The following SLC9B2 variants were observed in gnomAD, a reference collection of about 807,000 sequenced individuals.
SLC9B2 encodes solute carrier family 9 member B2.
A neutral mutation model predicts 52.2 loss-of-function variants in SLC9B2; 39 were observed. That is an observed-to-expected ratio of 0.75 (90% CI 0.58 to 0.98). SLC9B2 has a LOEUF of 0.98. Ranked by LOEUF, SLC9B2 falls within the 50% of genes least tolerant of loss-of-function variation. The pLI is 0.00. For synonymous variants in SLC9B2, 214 were observed against 227.0 expected, an observed-to-expected ratio of 0.94 and a Z score of 0.51; for missense variants, 626 against 637.5, an observed-to-expected ratio of 0.98 and a Z score of 0.19.
chr4:103,030,934 T>C (rs1424837253), intron 10 of SLC9B2, among the ~76,000 whole-genome samples: 1 of 152,140 alleles, frequency 6.6e-6, no homozygotes, highest in Non-Finnish European at 1.5e-5. Flanking sequence ...GGGTTAGTCT[T>C]TTTCTGACTG....
At chr4:103,075,291 G>A (rs1006992129) in intron 1 of SLC9B2, among the ~76,000 whole-genome samples, 10 of 152,018 alleles carry the variant, frequency 6.6e-5, no homozygotes, top group Admixed American at 5.2e-4. Context: ...CTGGAATTAC[G>A]GGCGTGCACC....
chr4:103,040,059 T>C (rs1743506588), intron 9 of SLC9B2, among the ~76,000 whole-genome samples: 1 of 152,188 alleles, frequency 6.6e-6, no homozygotes, highest in African/African-American at 2.4e-5. Context: ...AAAGTTGCTC[T>C]AATGTTTACC....
Position 103,048,986 on chromosome 4 carries a change from A to G in SLC9B2, c.620T>C (p.Leu207Pro). 3 of 1,614,002 alleles carry G rather than the reference A, an allele frequency of 1.9e-6. No individual in the cohort carries two copies. The highest frequency in any genetic ancestry group is 2.2e-5 in the East Asian group (1 of 44,874). Residue 207 changes from leucine to proline, a missense_variant, in exon 6 of 12, where the codon CTG becomes CCG. Leu to Pro is a moderately conservative substitution (Grantham distance 98). Transcript: ENST00000394785. Reference sequence around the variant, plus strand: ...CTCCACAATACAGGGACCCATGGACAGTCTTACACAAACGCCCTTTAACTT... The same window carrying G: ...CTCCACAATACAGGGACCCATGGACGGTCTTACACAAACGCCCTTTAACTT... ...LKKLKGVCVR[L>P]SMGPCIVEAC...
downstream of SLC9B2, chr4:103,019,495 G>A (rs2110553837): frequency 1.3e-6 from 1 of 762,228 alleles, no homozygotes; most frequent in Non-Finnish European, 1.6e-6. Flanking sequence ...AACTGAGGGG[G>A]AGGAAAGGCC....
intron 1 of SLC9B2, among the ~76,000 whole-genome samples, chr4:103,074,732 G>T (rs1344709717): frequency 2.6e-5 from 4 of 152,036 alleles, no homozygotes; most frequent in Non-Finnish European, 4.4e-5. Context: ...ACTTATAAAC[G>T]TTTGGTTGTT....
chr4:103,053,933 G>A (rs180761407), intron 4 of SLC9B2, among the ~76,000 whole-genome samples: 1 of 152,080 alleles, frequency 6.6e-6, no homozygotes, highest in African/African-American at 2.4e-5. Flanking sequence ...TTGATCTCCT[G>A]ACCTCGTGAT....
chr4:103,029,415 G>T (rs984770555), intron 10 of SLC9B2, among the ~76,000 whole-genome samples: 2 of 152,072 alleles, frequency 1.3e-5, no homozygotes, highest in African/African-American at 4.8e-5. Context: ...TCTTTACAGG[G>T]TATAAGACCA....
At position 103,043,312 on chromosome 4, in the gene SLC9B2, C is replaced by T. The variant is rs763987232; in HGVS notation, c.1130G>A (p.Gly377Glu). Residue 377 changes from glycine to glutamate, a missense_variant, in exon 9 of 12, where the codon GGA becomes GAA. By Grantham distance (98) the Gly-to-Glu change is moderately conservative. Transcript: ENST00000394785. ...GAAATTCACCTTTTCGCTGGTCCAT[C>T]CCATGCCTGCAAGGAAAGCCATGAC... ...TLVMAFLAGM[G>E]WTSEKAEVEK... The T allele has an allele frequency of 4.3e-6, 7 of 1,610,140 alleles. No individual in the cohort carries two copies. The highest frequency in any genetic ancestry group is 1.3e-5 in the African/African-American group (1 of 74,760).
At chr4:103,069,217 T>C (rs1401195229) in intron 1 of SLC9B2, among the ~76,000 whole-genome samples, 1 of 152,154 alleles carries the variant, frequency 6.6e-6, no homozygotes, top group Non-Finnish European at 1.5e-5. Flanking sequence ...CATGGAGACA[T>C]GAAAGCCAGT....
chr4:103,051,509 T>A (rs1297872592), intron 4 of SLC9B2, among the ~76,000 whole-genome samples: 1 of 152,238 alleles, frequency 6.6e-6, no homozygotes, highest in Non-Finnish European at 1.5e-5. Flanking sequence ...TCTCGTAAGT[T>A]CTGAATGCTG....
rs1742170149 is a variant in SLC9B2 at position 103,026,105 on chromosome 4, T to C, written c.*265A>G. On this transcript the variant is annotated 3_prime_UTR_variant, in exon 12 of 12. Coordinates refer to ENST00000394785, the MANE Select transcript of SLC9B2 (RefSeq NM_178833.7). Reference sequence around the variant, plus strand: ...TTCCCACATTAACTGTAAACTGTGGTAGTACATTAAAGTAGATATGTCCTT... The same window carrying C: ...TTCCCACATTAACTGTAAACTGTGGCAGTACATTAAAGTAGATATGTCCTT... 3.4e-6 allele frequency: 1 copy of C among 294,466 alleles called. No individual in the cohort carries two copies. Among genetic ancestry groups the C allele is most frequent in the Non-Finnish European group, 6.3e-6 (1 of 159,224 alleles). 18.2% of individuals were successfully genotyped at this position (294,466 alleles called of 1,614,324 possible). A position where few individuals can be genotyped will look rare whatever the true frequency, so the allele number is the denominator to read the frequency against.
intron 6 of SLC9B2, among the ~76,000 whole-genome samples, 160 bp from the exon 7 acceptor site, chr4:103,047,386 TG>T (rs1346184949): frequency 1.3e-5 from 2 of 151,966 alleles, no homozygotes; most frequent in Admixed American, 1.3e-4. Context: ...AATTGTTTTT[TG>T]TTTTTTTTTC....
intron 3 of SLC9B2, among the ~76,000 whole-genome samples, chr4:103,060,528 G>A (rs1248787917): frequency 8.7e-6 from 1 of 114,948 alleles, no homozygotes; most frequent in Non-Finnish European, 1.9e-5. Flanking sequence ...CCTTTTGCAT[G>A]TTTTTTTTGT....
intron 4 of SLC9B2, among the ~76,000 whole-genome samples, chr4:103,054,104 C>T (rs954195955): frequency 1.3e-5 from 2 of 151,926 alleles, no homozygotes; most frequent in African/African-American, 4.8e-5. Context: ...AAAGTGAGAC[C>T]CTGTCTCTGC....
rs1021560800 is a variant in SLC9B2, at chr4:103,076,392, C to G, written c.-251G>C. Reference sequence around the variant, plus strand: ...TAGTCGGCCCCGCCTTTCGCACGAACCCGCTGGGCGACACCGCGCAGGGAG... The same window carrying G: ...TAGTCGGCCCCGCCTTTCGCACGAAGCCGCTGGGCGACACCGCGCAGGGAG... On this transcript the variant is annotated 5_prime_UTR_variant, in exon 1 of 12. Coordinates refer to ENST00000394785, the MANE Select transcript of SLC9B2 (RefSeq NM_178833.7). The G allele has an allele frequency of 1.8e-4, 27 of 152,404 alleles. No homozygotes were observed. Among genetic ancestry groups the G allele is most frequent in the African/African-American group, 6.0e-4 (25 of 41,586 alleles). The allele number at this position is 152,404 out of a possible 1,614,324, so 9.4% of individuals were successfully genotyped here. A position where few individuals can be genotyped will look rare whatever the true frequency, so the allele number is the denominator to read the frequency against.
intron 6 of SLC9B2, among the ~76,000 whole-genome samples, chr4:103,047,498 T>A (rs921342090): frequency 4.6e-5 from 7 of 151,564 alleles, no homozygotes; most frequent in African/African-American, 1.7e-4. Flanking sequence ...ACCCATTAAC[T>A]CGTCATTTAA....
In SLC9B2 at chr4:103,076,327, T is replaced by C. The variant is rs1210553331; in HGVS notation, c.-186A>G. Reference sequence around the variant, plus strand: ...TCCCAGGCTGAGCCGGGAGGCTGCGTTGACTGCAGATAAACGGTCTCAGGG... The same window carrying C: ...TCCCAGGCTGAGCCGGGAGGCTGCGCTGACTGCAGATAAACGGTCTCAGGG... On this transcript the variant is annotated 5_prime_UTR_variant, in exon 1 of 12. Transcript: ENST00000394785. 3 of 152,306 alleles carry C rather than the reference T, an allele frequency of 2.0e-5. No homozygotes were observed. Among genetic ancestry groups the C allele is most frequent in the Admixed American group, 1.3e-4 (2 of 15,288 alleles). The allele number at this position is 152,306 out of a possible 1,614,324, so 9.4% of individuals were successfully genotyped here.
chr4:103,023,565 A>C lies in SLC9B2; in HGVS notation c.*2805T>G, dbSNP rs1741956966. ...CTTGACCTCACCATCTCCATGATAT[A>C]TAACAGCAACATAGTCTTATAGCAA... On this transcript the variant is annotated 3_prime_UTR_variant, in exon 12 of 12. Coordinates refer to ENST00000394785, the MANE Select transcript of SLC9B2 (RefSeq NM_178833.7). Among the ~76,000 whole-genome samples, 1 of 152,206 alleles carries C rather than the reference A, an allele frequency of 6.6e-6. No homozygotes were observed. Among genetic ancestry groups the C allele is most frequent in the Non-Finnish European group, 1.5e-5 (1 of 68,032 alleles).
At position 103,057,169 on chromosome 4, in the gene SLC9B2, G is replaced by C. The variant is rs182053525; in HGVS notation, c.442+632C>G. Among the ~76,000 whole-genome samples, 419 of 151,214 alleles carry C rather than the reference G, an allele frequency of 2.8e-3. 3 individuals are homozygous for C. The highest frequency in any genetic ancestry group is 0.019 in the Admixed American group (285 of 15,124). ...CATAATCTCAAGAGCATAGGTGAGG[G>C]GAAATAGACTAAAACATTAGGAAGT... On this transcript the variant is annotated intron_variant, in intron 4 of 11. Transcript: ENST00000394785.
Sources: allele counts gnomAD v4.1 joint callset (sites outside exome capture counted in the v4.1 genomes callset), GRCh38; gene constraint gnomAD v4.1.1; transcripts MANE v1.5; gene names NCBI Gene and HGNC (gene_info 2026-07-23, HGNC 2026-07-21).